The following PCSK2 variants were observed in gnomAD, a reference collection of about 807,000 sequenced individuals.
PCSK2 encodes the protein neuroendocrine convertase 2.
A neutral mutation model predicts 69.7 loss-of-function variants in PCSK2; 14 were observed. The observed-to-expected ratio is 0.20, with a 90% CI of 0.13 to 0.31. The LOEUF (loss-of-function observed/expected upper bound fraction) is 0.31, where lower values mean the gene tolerates loss of function less well. Among genes scored for constraint, PCSK2 ranks in the 10% least tolerant of loss-of-function variants. The probability of loss-of-function intolerance (pLI) is 1.00; values close to 1 mark genes in which losing one functional copy is unlikely to be tolerated. For missense variants in PCSK2, 544 were observed against 842.5 expected, an observed-to-expected ratio of 0.65 and a Z score of 4.39; for synonymous variants, 307 against 320.7, an observed-to-expected ratio of 0.96 and a Z score of 0.46.
At chr20:17,446,525 G>A (rs1031869496) in intron 8 of PCSK2, among the ~76,000 whole-genome samples, 5 of 152,130 alleles carry the variant, frequency 3.3e-5, no homozygotes, top group East Asian at 1.9e-4. Context: ...GGCTCAGACC[G>A]TGGACAGTTT....
At chr20:17,294,559 A>C (rs1600459361) in intron 2 of PCSK2, among the ~76,000 whole-genome samples, 1 of 152,172 alleles carries the variant, frequency 6.6e-6, no homozygotes, top group African/African-American at 2.4e-5. Flanking sequence ...CAGAAGCCAC[A>C]ATCCATTTTC....
At chr20:17,384,240 G>A (rs945276416) in intron 5 of PCSK2, among the ~76,000 whole-genome samples, 1 of 151,964 alleles carries the variant, frequency 6.6e-6, no homozygotes, top group African/African-American at 2.4e-5. Flanking sequence ...TATTCTTTGG[G>A]TCTGAGGAAA....
At chr20:17,434,287 A>T (rs11697538) in intron 7 of PCSK2, among the ~76,000 whole-genome samples, 22,993 of 151,512 alleles carry the variant, frequency 0.15, 1,857 homozygotes, top group Middle Eastern at 0.18. Flanking sequence ...TCTCCACCCC[A>T]CATTCCCCTG....
chr20:17,251,115 A>T (rs910184739), intron 1 of PCSK2, among the ~76,000 whole-genome samples: 6 of 152,290 alleles, frequency 3.9e-5, no homozygotes, highest in African/African-American at 1.4e-4. Flanking sequence ...AAGTAAAAAA[A>T]AAATTATCAG....
intron 2 of PCSK2, among the ~76,000 whole-genome samples, chr20:17,318,741 A>G (rs1989768711): frequency 6.6e-6 from 1 of 152,216 alleles, no homozygotes; most frequent in Non-Finnish European, 1.5e-5. Context: ...GGTTTCTCTG[A>G]AGCCTGCTTC....
chr20:17,245,969 C>T (rs1986756908), intron 1 of PCSK2, among the ~76,000 whole-genome samples: 2 of 152,160 alleles, frequency 1.3e-5, no homozygotes, highest in Non-Finnish European at 2.9e-5. Context: ...GCCCAAAGAA[C>T]TCCATAACCT....
chr20:17,256,557 T>C (rs1052422817), intron 1 of PCSK2, among the ~76,000 whole-genome samples: 2 of 152,136 alleles, frequency 1.3e-5, no homozygotes, highest in Admixed American at 6.5e-5. Context: ...TTGTTTGTTG[T>C]TGTTTCTAGG....
chr20:17,418,834 G>A (rs930055726), intron 6 of PCSK2, among the ~76,000 whole-genome samples: 1 of 152,218 alleles, frequency 6.6e-6, no homozygotes, highest in African/African-American at 2.4e-5. Context: ...GCTGGTGTCA[G>A]CATGCCCTGA....
intron 5 of PCSK2, among the ~76,000 whole-genome samples, chr20:17,390,490 A>T (rs1170356420): frequency 6.6e-6 from 1 of 152,200 alleles, no homozygotes; most frequent in Non-Finnish European, 1.5e-5. Flanking sequence ...TGCCCTGTGA[A>T]TGTGGGAAGA....
chr20:17,390,409 A>G (rs1482947929), intron 5 of PCSK2, among the ~76,000 whole-genome samples: 1 of 152,242 alleles, frequency 6.6e-6, no homozygotes, highest in Non-Finnish European at 1.5e-5. Context: ...TTATACCTCA[A>G]TTAAAAAACA....
chr20:17,430,500 T>C (rs1178095621), intron 7 of PCSK2, among the ~76,000 whole-genome samples: 1 of 152,214 alleles, frequency 6.6e-6, no homozygotes, highest in Non-Finnish European at 1.5e-5. Flanking sequence ...AGGTAACCTA[T>C]ACAAACCCAC....
intron 6 of PCSK2, 97 bp from the exon 7 acceptor site, chr20:17,429,338 G>C (rs57591161): frequency 1.2e-6 from 1 of 851,432 alleles, no homozygotes; most frequent in Non-Finnish European, 2.0e-6. Context: ...ATGATACGCA[G>C]ATTTCATTTT....
At chr20:17,256,575 G>C (rs1460728680) in intron 1 of PCSK2, among the ~76,000 whole-genome samples, 1 of 150,620 alleles carries the variant, frequency 6.6e-6, no homozygotes, top group African/African-American at 2.4e-5. Context: ...AGGTTTTGTT[G>C]TTTTTACTAT....
At chr20:17,377,598 C>T (rs1291416281) in intron 5 of PCSK2, among the ~76,000 whole-genome samples, 1 of 152,226 alleles carries the variant, frequency 6.6e-6, no homozygotes, top group Non-Finnish European at 1.5e-5. Context: ...ATTAATATTG[C>T]ATATGAAACT....
chr20:17,317,520 T>A (rs1423366634), intron 2 of PCSK2, among the ~76,000 whole-genome samples: 1 of 152,222 alleles, frequency 6.6e-6, no homozygotes, highest in African/African-American at 2.4e-5. Context: ...CAAACTTGGA[T>A]TTGAAAAATG....
chr20:17,421,807 TAAAAAA>T (rs56376793), intron 6 of PCSK2, among the ~76,000 whole-genome samples: 109 of 78,954 alleles, frequency 1.4e-3, no homozygotes, highest in South Asian at 3.5e-3. Flanking sequence ...GGAAGAGAGG[TAAAAAA>T]AAAAAAAAAA....
chr20:17,399,864 T>C (rs960246644), intron 5 of PCSK2, among the ~76,000 whole-genome samples: 4 of 152,302 alleles, frequency 2.6e-5, no homozygotes, highest in East Asian at 1.9e-4. Context: ...ATTTGTCTTA[T>C]AGAGAGTATG....
chr20:17,278,815 G>T (rs905336181), intron 2 of PCSK2, among the ~76,000 whole-genome samples: 1 of 151,412 alleles, frequency 6.6e-6, no homozygotes, highest in African/African-American at 2.4e-5. Context: ...AGGAGTTCAA[G>T]ACCAGCCTGG....
chr20:17,387,477 G>A lies in PCSK2; in HGVS notation c.543+18200G>A, dbSNP rs578045366. 3.0e-4 allele frequency among the ~76,000 whole-genome samples: 46 copies of A among 152,300 alleles called. No homozygotes were observed. In the South Asian group the frequency reaches 6.4e-3, roughly 21 times the overall value. ...CCAGGGCTGGAGGATCGACTTCCAA[G>A]ATGGTTCACATGGTGGCTGTTGGCA... On this transcript the variant is annotated intron_variant, in intron 5 of 11. Transcript: ENST00000262545.
Sources: gnomAD v4.1 joint callset for allele counts (sites outside exome capture counted in the v4.1 genomes callset) on GRCh38, gnomAD v4.1.1 for gene constraint, MANE v1.5 for transcripts, NCBI Gene and HGNC (gene_info 2026-07-23, HGNC 2026-07-21) for gene names.